Variants in SLC5A11 observed in about 807,000 individuals in gnomAD.
The protein encoded by SLC5A11 is solute carrier family 5 member 11.
Under a neutral mutation model 69.8 loss-of-function variants are expected in SLC5A11, and 48 were observed. The observed-to-expected ratio is 0.69, with a 90% CI of 0.55 to 0.87. The LOEUF (loss-of-function observed/expected upper bound fraction) is 0.87, where lower values mean the gene tolerates loss of function less well. SLC5A11 is among the 40% of genes least tolerant of loss of function. The pLI is 0.00. For missense variants in SLC5A11, 784 were observed against 866.1 expected, an observed-to-expected ratio of 0.91 and a Z score of 1.19; for synonymous variants, 319 against 342.4, an observed-to-expected ratio of 0.93 and a Z score of 0.75.
chr16:24,849,745 C>T (rs76561637), intron 1 of SLC5A11, among the ~76,000 whole-genome samples: 4,018 of 150,662 alleles, frequency 0.027, 186 homozygotes, highest in African/African-American at 0.092. Flanking sequence ...TGAAGGACAA[C>T]GCTCTGCCGG....
intron 2 of SLC5A11, among the ~76,000 whole-genome samples, chr16:24,861,793 G>A (rs1037565040): frequency 2.9e-5 from 4 of 137,170 alleles, no homozygotes; most frequent in African/African-American, 1.2e-4. Context: ...AAGGAAGGAA[G>A]GAAAGAAAGA....
At chr16:24,901,566 G>C (rs1700737988) in intron 10 of SLC5A11, among the ~76,000 whole-genome samples, 1 of 151,990 alleles carries the variant, frequency 6.6e-6, no homozygotes, top group Non-Finnish European at 1.5e-5. Context: ...AGTGAGCCAT[G>C]ATCAGTGCAC....
chr16:24,907,228 C>A, intron 12 of SLC5A11, 53 bp downstream of exon 13: 1 of 1,597,406 alleles, frequency 6.3e-7, no homozygotes, highest in South Asian at 1.1e-5. Flanking sequence ...GCTGAGCCCA[C>A]CCAGAGGCAA....
At chr16:24,853,449 G>A (rs541074586) in intron 1 of SLC5A11, among the ~76,000 whole-genome samples, 5 of 151,954 alleles carry the variant, frequency 3.3e-5, no homozygotes, top group South Asian at 4.2e-4. Flanking sequence ...AGGGCCTGGC[G>A]TGGAGCCTGG....
intron 8 of SLC5A11, among the ~76,000 whole-genome samples, chr16:24,885,895 G>C (rs2048365217): frequency 6.6e-6 from 1 of 151,460 alleles, no homozygotes; most frequent in African/African-American, 2.4e-5. Context: ...CGGATAAAAA[G>C]GAAAAAGATT....
chr16:24,879,402 G>T (rs1265918673), intron 7 of SLC5A11, among the ~76,000 whole-genome samples: 1 of 151,968 alleles, frequency 6.6e-6, no homozygotes, highest in Admixed American at 6.6e-5. Context: ...CCTTATTCAA[G>T]TCCATGAGTA....
intron 2 of SLC5A11, 65 bp from the exon 4 acceptor site, chr16:24,862,536 G>A (rs1404953700): frequency 1.4e-6 from 2 of 1,398,762 alleles, no homozygotes; most frequent in African/African-American, 1.4e-5. Flanking sequence ...CCTGGCCTAG[G>A]CCATTTTGAG....
intron 7 of SLC5A11, among the ~76,000 whole-genome samples, chr16:24,881,499 G>A (rs552005819): frequency 2.2e-4 from 33 of 152,156 alleles, no homozygotes; most frequent in Non-Finnish European, 3.7e-4. Flanking sequence ...TGTTGGTCAG[G>A]CTGGTCTTGA....
chr16:24,899,156 G>A (rs274094), intron 10 of SLC5A11, among the ~76,000 whole-genome samples: 31,592 of 152,080 alleles, frequency 0.21, 4,003 homozygotes, highest in South Asian at 0.42. Context: ...AGGCATCTCT[G>A]TCTAGGCATC....
intron 1 of SLC5A11, among the ~76,000 whole-genome samples, chr16:24,849,593 A>AAAAAAAAAAATATATATATATATAT: frequency 2.8e-5 from 1 of 35,906 alleles, no homozygotes; most frequent in Non-Finnish European, 5.6e-5. Context: ...AAAAAAAAAA[A>AAAAAAAAAAATATATATATATATAT]ATATATATAT....
chr16:24,849,482 G>A (rs550163837), intron 1 of SLC5A11, among the ~76,000 whole-genome samples: 130 of 148,450 alleles, frequency 8.8e-4, no homozygotes, highest in Non-Finnish European at 1.4e-3. Context: ...CGGGAGAATC[G>A]CTTGAACCCG....
At position 24,908,884 on chromosome 16, in the gene SLC5A11, G is replaced by A. The variant is rs767763676; in HGVS notation, c.1438G>A (p.Ala480Thr). Residue 480 changes from alanine (A) to threonine (T), a missense_variant, in exon 14 of 16, where the codon GCC (alanine) becomes ACC (threonine). Transcript: ENST00000347898. The stretch of plus-strand genomic sequence containing the variant: ...TGATCTTGCTCTGATTTTGCAGGGT[G>A]CCTTCTGGGGCCTGATCTCGGGCCT... 9 of 1,612,700 alleles carry A rather than the reference G, an allele frequency of 5.6e-6. No individual in the cohort carries two copies. In the South Asian group the frequency reaches 6.6e-5, roughly 12 times the overall value.
At chr16:24,870,121 G>C in intron 4 of SLC5A11, 116 bp downstream of exon 5, 1 of 700,564 alleles carries the variant, frequency 1.4e-6, no homozygotes, top group Non-Finnish European at 2.4e-6. Flanking sequence ...GGCCAGGCGC[G>C]GTGGCTCACG....
intron 3 of SLC5A11, among the ~76,000 whole-genome samples, chr16:24,867,623 AGATT>A (rs1273215374): frequency 1.3e-5 from 2 of 152,192 alleles, no homozygotes; most frequent in South Asian, 4.1e-4. Context: ...ATTTCTACCT[AGATT>A]AAGAAAAACA....
intron 15 of SLC5A11, 141 bp from the exon 17 acceptor site, chr16:24,911,185 AAG>A: frequency 1.4e-6 from 1 of 731,680 alleles, no homozygotes; most frequent in Non-Finnish European, 2.2e-6. Flanking sequence ...AAAAAAAAAA[AAG>A]GGAGATTTCA....
In SLC5A11 at chr16:24,905,390, C is replaced by A. The variant is rs928119884; in HGVS notation, c.1007-1267C>A. Among the ~76,000 whole-genome samples, 21 of 151,396 alleles carry A rather than the reference C, an allele frequency of 1.4e-4. No homozygotes were observed. The South Asian group carries it at 3.3e-3, about 24-fold the overall frequency. On this transcript the variant is annotated intron_variant, in intron 10 of 15. Transcript: ENST00000347898. The stretch of plus-strand genomic sequence containing the variant: ...ACCTGGAAGAGGAAGTTGCAGTGAG[C>A]CGAGATTGTGCCACGCACTCCAGTC...
chr16:24,884,630 CTGTT>C (rs1228346778), intron 8 of SLC5A11, among the ~76,000 whole-genome samples: 1 of 114,616 alleles, frequency 8.7e-6, no homozygotes, highest in Non-Finnish European at 1.9e-5. Context: ...CCACCTGGCA[CTGTT>C]TTTTTTTTTT....
rs567494196 is a variant in SLC5A11, at chr16:24,891,837, A to AC, written c.870+763_870+764insC. Among the ~76,000 whole-genome samples, 20 of 152,214 alleles carry AC rather than the reference A, an allele frequency of 1.3e-4. No homozygotes were observed. In the South Asian group the frequency reaches 4.1e-3, roughly 32 times the overall value. On this transcript the variant is annotated intron_variant, in intron 9 of 15. Transcript: ENST00000347898. ...GTGGAGCTTCCCTTCTTCTAATGGG[A>AC]GTAGACGGAGATAATAAGTAAATTA...
chr16:24,863,797 C>T (rs2046748753), intron 3 of SLC5A11, among the ~76,000 whole-genome samples: 1 of 152,200 alleles, frequency 6.6e-6, no homozygotes, highest in Non-Finnish European at 1.5e-5. Flanking sequence ...ATCTCTCTCT[C>T]TTTAGCTGTG....
Sources: gnomAD v4.1 joint callset for allele counts (sites outside exome capture counted in the v4.1 genomes callset) on GRCh38, gnomAD v4.1.1 for gene constraint, MANE v1.5 for transcripts, NCBI Gene and HGNC (gene_info 2026-07-23, HGNC 2026-07-21) for gene names.